The following SLC1A2 variants were observed in gnomAD, a reference collection of about 807,000 sequenced individuals.
SLC1A2 encodes the protein excitatory amino acid transporter 2.
Under a neutral mutation model 48.8 loss-of-function variants are expected in SLC1A2, and 15 were observed. The ratio of observed to expected loss-of-function variants is 0.31; its 90% CI spans 0.21 to 0.47. The LOEUF (loss-of-function observed/expected upper bound fraction) is 0.47, where lower values mean the gene tolerates loss of function less well. SLC1A2 is among the 20% of genes least tolerant of loss of function. The pLI, the probability that SLC1A2 is intolerant of heterozygous loss-of-function variation, is 0.99. For missense variants in SLC1A2, 502 were observed against 730.5 expected, an observed-to-expected ratio of 0.69 and a Z score of 3.61; for synonymous variants, 279 against 272.6, an observed-to-expected ratio of 1.02 and a Z score of -0.23.
chr11:35,385,780 C>CA (rs1854567728), intron 1 of SLC1A2, among the ~76,000 whole-genome samples: 1 of 152,114 alleles, frequency 6.6e-6, no homozygotes, highest in African/African-American at 2.4e-5. Flanking sequence ...CCTGCAGGTT[C>CA]TCTGGGTGAA....
chr11:35,406,101 ACT>A (rs1459013647), intron 1 of SLC1A2, among the ~76,000 whole-genome samples: 4 of 152,126 alleles, frequency 2.6e-5, no homozygotes, highest in Non-Finnish European at 4.4e-5. Flanking sequence ...CACTTAGCAC[ACT>A]CTGTTATGAT....
intron 3 of SLC1A2, among the ~76,000 whole-genome samples, chr11:35,313,245 G>A (rs189572122): frequency 9.9e-5 from 15 of 152,220 alleles, no homozygotes; most frequent in Non-Finnish European, 1.8e-4. Flanking sequence ...ATATATTACT[G>A]GTAACTGACA....
intron 1 of SLC1A2, among the ~76,000 whole-genome samples, chr11:35,320,724 C>T (rs747098686): frequency 6.6e-6 from 1 of 152,230 alleles, no homozygotes; most frequent in Non-Finnish European, 1.5e-5. Flanking sequence ...CAGCATGCCA[C>T]TTCAGTCAGA....
At chr11:35,327,400 A>G (rs1215093678) in intron 1 of SLC1A2, among the ~76,000 whole-genome samples, 1 of 152,224 alleles carries the variant, frequency 6.6e-6, no homozygotes, top group African/African-American at 2.4e-5. Flanking sequence ...AACACCTTAT[A>G]CTTTGGGAAC....
At chr11:35,261,341 G>T (rs1026242389) in intron 10 of SLC1A2, among the ~76,000 whole-genome samples, 10 of 152,172 alleles carry the variant, frequency 6.6e-5, no homozygotes, top group African/African-American at 2.2e-4. Context: ...CCAGAACTAG[G>T]TATCTAGTTC....
intron 1 of SLC1A2, among the ~76,000 whole-genome samples, chr11:35,379,318 CTGT>C (rs1854342037): frequency 6.6e-6 from 1 of 152,256 alleles, no homozygotes; most frequent in African/African-American, 2.4e-5. Context: ...GCTGCTGCTA[CTGT>C]TATTACTAAT....
Position 35,312,260 on chromosome 11 carries a change from C to T in SLC1A2, c.499G>A (p.Ala167Thr), listed in dbSNP as rs1262133916. ...AGATTTCGAATAAGGTCCAGGAAGG[C>T]ATCCAGGCTGGACACTTCATCATTC... ...KKNDEVSSLD[A>T]FLDLIRNLFP... is the part of the protein sequence containing the mutation. The change falls in exon 4 of 11, where the codon GCC becomes ACC. Residue 167 changes from alanine (A) to threonine (T), a missense_variant. Physicochemically the swap from Ala to Thr is moderately conservative, Grantham distance 58. Coordinates refer to ENST00000278379, the MANE Select transcript of SLC1A2 (RefSeq NM_004171.4). 1.9e-6 allele frequency: 3 copies of T among 1,614,008 alleles called. No individual in the cohort carries two copies. Among genetic ancestry groups the T allele is most frequent in the Admixed American group, 3.3e-5 (2 of 60,018 alleles).
intron 8 of SLC1A2, among the ~76,000 whole-genome samples, chr11:35,283,296 G>A (rs1037818024): frequency 3.9e-5 from 6 of 152,180 alleles, no homozygotes; most frequent in Non-Finnish European, 8.8e-5. Context: ...AGTGAAAGGA[G>A]AGAAATGAAA....
intron 8 of SLC1A2, chr11:35,281,756 G>A (rs887478148): frequency 2.6e-5 from 4 of 152,036 alleles, no homozygotes; most frequent in African/African-American, 9.7e-5. Context: ...GCCCTGTCCT[G>A]ACACCAGGGA....
At chr11:35,288,579 C>T (rs1216054973) in intron 7 of SLC1A2, among the ~76,000 whole-genome samples, 1 of 152,174 alleles carries the variant, frequency 6.6e-6, no homozygotes, top group Non-Finnish European at 1.5e-5. Context: ...CAAGCATTCT[C>T]AAATCTAAGG....
chr11:35,319,081 C>A (rs548013079), intron 1 of SLC1A2, among the ~76,000 whole-genome samples: 4 of 152,304 alleles, frequency 2.6e-5, no homozygotes, highest in East Asian at 3.9e-4. Context: ...TCTGAGGCAA[C>A]TTCTGGTTTC....
chr11:35,322,811 G>T, intron 1 of SLC1A2: 1 of 704,742 alleles, frequency 1.4e-6, no homozygotes. Context: ...AGAGATTTCA[G>T]CTTTGATTGT....
At chr11:35,283,927 A>G (rs1224483542) in intron 8 of SLC1A2, among the ~76,000 whole-genome samples, 1 of 151,546 alleles carries the variant, frequency 6.6e-6, no homozygotes, top group Non-Finnish European at 1.5e-5. Flanking sequence ...AATAGAAGCT[A>G]ACATTTATTG....
chr11:35,354,952 T>C (rs1243272752), intron 1 of SLC1A2, among the ~76,000 whole-genome samples: 1 of 152,238 alleles, frequency 6.6e-6, no homozygotes, highest in African/African-American at 2.4e-5. Flanking sequence ...TATTTTAAGT[T>C]TTCTGAAAAT....
intron 1 of SLC1A2, among the ~76,000 whole-genome samples, chr11:35,350,017 T>C (rs543240898): frequency 6.6e-6 from 1 of 152,164 alleles, no homozygotes; most frequent in East Asian, 1.9e-4. Flanking sequence ...AGTTTCTTCA[T>C]GTCTCTGAGC....
intron 1 of SLC1A2, among the ~76,000 whole-genome samples, chr11:35,353,661 A>C (rs1039541001): frequency 6.6e-6 from 1 of 152,234 alleles, no homozygotes. Flanking sequence ...ATCCTTGGCA[A>C]ATATCCCTAA....
In SLC1A2 at chr11:35,252,362, G is replaced by C. The variant is rs776473957; in HGVS notation, c.*8532C>G. 6.6e-6 allele frequency: 1 copy of C among 152,084 alleles called. No individual in the cohort carries two copies. Among genetic ancestry groups the C allele is most frequent in the Non-Finnish European group, 1.5e-5 (1 of 68,012 alleles). 9.4% of individuals were successfully genotyped at this position (152,084 alleles called of 1,614,324 possible). ...ATGCACAGAGTCAGACTAACTTTTT[G>C]TTCCTCTGAGCCCAATCCACCAAGC... On this transcript the variant is annotated 3_prime_UTR_variant, in exon 11 of 11. Coordinates refer to ENST00000278379, the MANE Select transcript of SLC1A2 (RefSeq NM_004171.4).
chr11:35,396,626 T>G (rs1254079454), intron 1 of SLC1A2, among the ~76,000 whole-genome samples: 1 of 152,166 alleles, frequency 6.6e-6, no homozygotes, highest in Admixed American at 6.5e-5. Flanking sequence ...ATTTTTTAGG[T>G]TGCCTGTTCA....
intron 1 of SLC1A2, among the ~76,000 whole-genome samples, chr11:35,392,774 C>T (rs777670005): frequency 3.9e-5 from 6 of 152,204 alleles, no homozygotes; most frequent in Non-Finnish European, 8.8e-5. Context: ...CTGGAAGATT[C>T]AGCAGTGCAT....
Sources: gnomAD v4.1 joint callset for allele counts (sites outside exome capture counted in the v4.1 genomes callset) on GRCh38, gnomAD v4.1.1 for gene constraint, MANE v1.5 for transcripts, NCBI Gene and HGNC (gene_info 2026-07-23, HGNC 2026-07-21) for gene names.